The following NDST4 variants were observed in gnomAD, a reference collection of about 807,000 sequenced individuals.
The protein encoded by NDST4 is N-heparan sulfate sulfotransferase 4.
In NDST4, 63 loss-of-function variants were observed where a neutral mutation model predicts 100.8. The ratio of observed to expected loss-of-function variants is 0.62; its 90% CI spans 0.51 to 0.77. The LOEUF (loss-of-function observed/expected upper bound fraction) is 0.77. Among genes scored for constraint, NDST4 ranks in the 30% least tolerant of loss-of-function variants. NDST4 has a pLI of 0.00. For synonymous variants in NDST4, 377 were observed against 361.8 expected (o/e 1.04, Z -0.48); for missense variants, 943 against 1,018.4 (o/e 0.93, Z 1.01).
intron 6 of NDST4, among the ~76,000 whole-genome samples, chr4:114,906,084 G>C (rs2126212259): frequency 6.6e-6 from 1 of 151,968 alleles, no homozygotes; most frequent in Non-Finnish European, 1.5e-5. Flanking sequence ...TGAACCTTGG[G>C]ATCAATTTTT....
chr4:114,933,388 A>T (rs1003357102), intron 6 of NDST4, among the ~76,000 whole-genome samples: 1 of 150,254 alleles, frequency 6.7e-6, no homozygotes, highest in Non-Finnish European at 1.5e-5. Flanking sequence ...AAGTATAGGG[A>T]AAAAACTTTT....
At chr4:115,082,201 A>G (rs887804465) in intron 1 of NDST4, among the ~76,000 whole-genome samples, 4 of 152,168 alleles carry the variant, frequency 2.6e-5, no homozygotes, top group African/African-American at 9.7e-5. Context: ...AATATCTCCT[A>G]GAATCTTTGA....
At chr4:114,868,136 T>A (rs1724073392) in intron 7 of NDST4, among the ~76,000 whole-genome samples, 1 of 152,174 alleles carries the variant, frequency 6.6e-6, no homozygotes, top group African/African-American at 2.4e-5. Flanking sequence ...AAAATAATAG[T>A]TGACTTAGTT....
intron 6 of NDST4, among the ~76,000 whole-genome samples, chr4:114,875,333 A>G (rs79622334): frequency 0.039 from 5,917 of 152,288 alleles, 363 homozygotes; most frequent in African/African-American, 0.13. Context: ...ATATACAAGC[A>G]AGCTTATGGG....
intron 2 of NDST4, among the ~76,000 whole-genome samples, chr4:115,014,108 T>C (rs1727621697): frequency 6.6e-6 from 1 of 152,062 alleles, no homozygotes; most frequent in Non-Finnish European, 1.5e-5. Context: ...TATGCAGTTA[T>C]TAATCTGTCA....
At chr4:114,965,297 G>C (rs570441615) in intron 4 of NDST4, among the ~76,000 whole-genome samples, 1 of 151,966 alleles carries the variant, frequency 6.6e-6, no homozygotes, top group East Asian at 1.9e-4. Context: ...CTATTAATTT[G>C]TTATCATATT....
rs565978985 is a variant in NDST4, at chr4:114,946,687, C to A, written c.1222-9184G>T. ...GAGATGATGTCAAGAGGCAGAGTTG[C>A]TGCAAATAGCTTTGAAAATTTTTCA... is the stretch of plus-strand genomic sequence containing the variant. On this transcript the variant is annotated intron_variant, in intron 4 of 13. Coordinates refer to ENST00000264363, the MANE Select transcript of NDST4 (RefSeq NM_022569.3). 2.2e-4 allele frequency among the ~76,000 whole-genome samples: 33 copies of A among 152,256 alleles called. No individual in the cohort carries two copies. In the South Asian group the frequency reaches 3.1e-3, roughly 14 times the overall value.
chr4:114,982,430 T>C (rs1020234551), intron 2 of NDST4, among the ~76,000 whole-genome samples: 2 of 152,120 alleles, frequency 1.3e-5, no homozygotes, highest in Admixed American at 6.6e-5. Flanking sequence ...AGGAATTTTG[T>C]CCCTGCTCTA....
At chr4:115,060,532 T>C (rs960609578) in intron 2 of NDST4, among the ~76,000 whole-genome samples, 23 of 151,974 alleles carry the variant, frequency 1.5e-4, no homozygotes. Context: ...TTGCATTAAA[T>C]ATTCAAGTAG....
intron 8 of NDST4, 112 bp downstream of exon 8, chr4:114,852,613 T>C (rs906847545): frequency 1.6e-6 from 1 of 617,204 alleles, no homozygotes; most frequent in Middle Eastern, 4.1e-4. Flanking sequence ...TAAACTTGCA[T>C]GGATAGCTAA....
At chr4:114,834,452 T>C (rs370520942) in intron 11 of NDST4, among the ~76,000 whole-genome samples, 2 of 145,876 alleles carry the variant, frequency 1.4e-5, no homozygotes, top group East Asian at 4.0e-4. Context: ...AGGCCAAGGT[T>C]GCAGTGAGCC....
At chr4:114,854,595 A>T (rs1398228058) in intron 7 of NDST4, among the ~76,000 whole-genome samples, 1 of 151,980 alleles carries the variant, frequency 6.6e-6, no homozygotes, top group Non-Finnish European at 1.5e-5. Context: ...CAGCCTCCCG[A>T]GTAGCTGGGA....
intron 6 of NDST4, among the ~76,000 whole-genome samples, chr4:114,916,103 G>T (rs867423607): frequency 2.6e-5 from 4 of 152,230 alleles, no homozygotes; most frequent in Admixed American, 6.5e-5. Context: ...TTATCCTTAT[G>T]TTCTTTAAGA....
In NDST4 at chr4:115,077,137, C is replaced by T; in HGVS notation, c.-101G>A. 3 of 1,100,818 alleles carry T rather than the reference C, an allele frequency of 2.7e-6. No homozygotes were observed. The highest frequency in any genetic ancestry group is 3.8e-6 in the Non-Finnish European group (3 of 787,734). 68.2% of individuals were successfully genotyped at this position (1,100,818 alleles called of 1,614,324 possible). On this transcript the variant is annotated 5_prime_UTR_variant, in exon 2 of 14. An upstream start codon of the reference 5' UTR is lost. Transcript: ENST00000264363. ...TTGCAAATATCACTTCCCCAGAGTT[C>T]ATGTAACCATCGCAAATCATGTAAA...
At chr4:115,070,244 G>A (rs1729045396) in intron 2 of NDST4, among the ~76,000 whole-genome samples, 1 of 152,140 alleles carries the variant, frequency 6.6e-6, no homozygotes, top group African/African-American at 2.4e-5. Context: ...TAACAAGAAT[G>A]AGATCATATC....
intron 4 of NDST4, among the ~76,000 whole-genome samples, chr4:114,970,058 T>C (rs1578421158): frequency 1.3e-5 from 2 of 152,192 alleles, no homozygotes; most frequent in African/African-American, 4.8e-5. Flanking sequence ...ATTTCTCTAA[T>C]GATTAGTGAT....
intron 6 of NDST4, among the ~76,000 whole-genome samples, chr4:114,876,166 T>A (rs537536892): frequency 6.6e-6 from 1 of 152,292 alleles, no homozygotes; most frequent in African/African-American, 2.4e-5. Context: ...GCTTGCTTTG[T>A]GCTCACGCTG....
intron 1 of NDST4, among the ~76,000 whole-genome samples, chr4:115,095,713 G>A (rs942628284): frequency 6.6e-6 from 1 of 151,960 alleles, no homozygotes; most frequent in African/African-American, 2.4e-5. Context: ...ATAATTATTG[G>A]TAATAAAGAT....
At position 114,980,720 on chromosome 4, in the gene NDST4, A is replaced by T. The variant is rs534777209; in HGVS notation, c.979-3446T>A. On this transcript the variant is annotated intron_variant, in intron 2 of 13. Coordinates refer to ENST00000264363, the MANE Select transcript of NDST4 (RefSeq NM_022569.3). The stretch of plus-strand genomic sequence containing the variant: ...CTTTGACAATATACATTATTTATTT[A>T]ATAGTCTGCATGACATAACAAACAA... Among the ~76,000 whole-genome samples, 108 of 151,500 alleles carry T rather than the reference A, an allele frequency of 7.1e-4. 1 individual carries two copies. The highest frequency in any genetic ancestry group is 5.8e-4 in the East Asian group (3 of 5,186).
Sources: gnomAD v4.1 joint callset for allele counts (sites outside exome capture counted in the v4.1 genomes callset) on GRCh38, gnomAD v4.1.1 for gene constraint, MANE v1.5 for transcripts, NCBI Gene and HGNC (gene_info 2026-07-23, HGNC 2026-07-21) for gene names.